FSTL4: variants seen among roughly 807,000 people sequenced by gnomAD.
FSTL4 encodes follistatin-related protein 4.
In FSTL4, 28 loss-of-function variants were observed where a neutral mutation model predicts 78.2. The observed-to-expected ratio is 0.36, with a 90% CI of 0.27 to 0.49. The LOEUF is 0.49. Among genes scored for constraint, FSTL4 ranks in the 20% least tolerant of loss-of-function variants. FSTL4 has a pLI of 0.98. For synonymous variants in FSTL4, 422 were observed against 440.5 expected, an observed-to-expected ratio of 0.96 and a Z score of 0.53; for missense variants, 922 against 1,084.9, an observed-to-expected ratio of 0.85 and a Z score of 2.11.
chr5:133,301,815 G>GACTGTTGCTGCAGTGTTGGA (rs1753548305), intron 6 of FSTL4, among the ~76,000 whole-genome samples: 1 of 152,158 alleles, frequency 6.6e-6, no homozygotes, highest in African/African-American at 2.4e-5. Context: ...CACGGGATGG[G>GACTGTTGCTGCAGTGTTGGA]ACTGTTGCTG....
At chr5:133,312,619 G>T (rs1269794538) in intron 6 of FSTL4, 35 bp downstream of exon 6, 1 of 1,609,514 alleles carries the variant, frequency 6.2e-7, no homozygotes, top group Admixed American at 1.7e-5. Context: ...AGCACCTGCA[G>T]AAATAAGCCC....
intron 3 of FSTL4, among the ~76,000 whole-genome samples, chr5:133,486,427 C>T (rs1758137458): frequency 6.6e-6 from 1 of 151,978 alleles, no homozygotes; most frequent in Non-Finnish European, 1.5e-5. Flanking sequence ...GGATTGATTT[C>T]TCTGAGGAAC....
the FSTL4 span, among the ~76,000 whole-genome samples, chr5:133,764,125 T>C: frequency 1.3e-5 from 2 of 152,270 alleles, no homozygotes; most frequent in Non-Finnish European, 2.9e-5. Context: ...ACTTTGCTTA[T>C]TGCTTTGAGA....
chr5:133,499,739 C>T (rs906577471), intron 3 of FSTL4, among the ~76,000 whole-genome samples: 2 of 152,142 alleles, frequency 1.3e-5, no homozygotes, highest in African/African-American at 4.8e-5. Flanking sequence ...CCACCCAAGC[C>T]TCTCTCTCAT....
At chr5:133,532,724 G>A (rs1157513950) in intron 3 of FSTL4, among the ~76,000 whole-genome samples, 1 of 152,128 alleles carries the variant, frequency 6.6e-6, no homozygotes, top group Non-Finnish European at 1.5e-5. Flanking sequence ...GATAACCAAG[G>A]TCAGAGCCTC....
intron 3 of FSTL4, among the ~76,000 whole-genome samples, chr5:133,448,553 C>T (rs1757313363): frequency 6.6e-6 from 1 of 152,198 alleles, no homozygotes; most frequent in Non-Finnish European, 1.5e-5. Flanking sequence ...GCGGTAACAA[C>T]AAAGTGAACG....
chr5:133,304,481 T>A (rs991746325), intron 6 of FSTL4, among the ~76,000 whole-genome samples: 2 of 152,160 alleles, frequency 1.3e-5, no homozygotes, highest in African/African-American at 2.4e-5. Flanking sequence ...TTTAAAAAAA[T>A]CACCAAAGCT....
intron 2 of FSTL4, among the ~76,000 whole-genome samples, chr5:133,576,000 G>A (rs987979211): frequency 2.0e-5 from 3 of 152,018 alleles, no homozygotes; most frequent in Admixed American, 1.3e-4. Context: ...TCCTGAATCC[G>A]TTATCTCTCA....
chr5:133,833,197 G>C, the FSTL4 span, among the ~76,000 whole-genome samples: 4 of 152,198 alleles, frequency 2.6e-5, no homozygotes, highest in Non-Finnish European at 4.4e-5. Context: ...GACATGGAGA[G>C]TGAGCAAGAA....
the FSTL4 span, among the ~76,000 whole-genome samples, chr5:133,723,360 T>C: frequency 6.6e-6 from 1 of 152,034 alleles, no homozygotes; most frequent in Non-Finnish European, 1.5e-5. Flanking sequence ...AACATAGCTG[T>C]AGTTTGGGAT....
intron 4 of FSTL4, among the ~76,000 whole-genome samples, chr5:133,385,271 G>C (rs1037542257): frequency 6.6e-6 from 1 of 152,250 alleles, no homozygotes; most frequent in African/African-American, 2.4e-5. Context: ...AAGAATCACA[G>C]ATCTTTCTAT....
At chr5:133,408,528 G>A (rs1171196061) in intron 3 of FSTL4, among the ~76,000 whole-genome samples, 1 of 150,564 alleles carries the variant, frequency 6.6e-6, no homozygotes, top group African/African-American at 2.5e-5. Context: ...CTGTGGGGGA[G>A]CTGACCGAGC....
At chr5:133,752,880 G>T in the FSTL4 span, among the ~76,000 whole-genome samples, 5 of 152,086 alleles carry the variant, frequency 3.3e-5, no homozygotes, top group East Asian at 9.7e-4. Context: ...ATGAGGTCAA[G>T]TTGCAGTTAT....
chr5:133,262,769 T>C (rs988467287), intron 6 of FSTL4, among the ~76,000 whole-genome samples: 2 of 152,224 alleles, frequency 1.3e-5, no homozygotes, highest in African/African-American at 4.8e-5. Flanking sequence ...CCCAGCTGAC[T>C]TCCCCTCAGG....
chr5:133,504,500 A>G (rs11242160), intron 3 of FSTL4, among the ~76,000 whole-genome samples: 97,901 of 151,936 alleles, frequency 0.64, 31,824 homozygotes, highest in Non-Finnish European at 0.69. Context: ...ATCCTTTAAA[A>G]CTATAAACCT....
chr5:133,673,024 G>A, the FSTL4 span, among the ~76,000 whole-genome samples: 4,015 of 152,282 alleles, frequency 0.026, 76 homozygotes, highest in Non-Finnish European at 0.042. Flanking sequence ...GCAAAGGCAG[G>A]AAGGCTGGAG....
At chr5:133,772,147 T>C in the FSTL4 span, among the ~76,000 whole-genome samples, 1 of 152,220 alleles carries the variant, frequency 6.6e-6, no homozygotes, top group South Asian at 2.1e-4. Context: ...CATCTAGATG[T>C]CTTTAGTACT....
intron 3 of FSTL4, among the ~76,000 whole-genome samples, chr5:133,416,700 T>G (rs1756586600): frequency 6.6e-6 from 1 of 152,214 alleles, no homozygotes; most frequent in Non-Finnish European, 1.5e-5. Context: ...ATAATTTCAG[T>G]AATATTCTTG....
chr5:133,769,742 A>T, the FSTL4 span, among the ~76,000 whole-genome samples: 1 of 152,108 alleles, frequency 6.6e-6, no homozygotes, highest in Non-Finnish European at 1.5e-5. Flanking sequence ...ACAAGTACAG[A>T]TTTTTTATAT....
Sources: allele counts gnomAD v4.1 joint callset (sites outside exome capture counted in the v4.1 genomes callset), GRCh38; gene constraint gnomAD v4.1.1; transcripts MANE v1.5; gene names NCBI Gene and HGNC (gene_info 2026-07-23, HGNC 2026-07-21).